Variants in VAV3 observed in about 807,000 individuals in gnomAD.
VAV3 encodes the protein guanine nucleotide exchange factor VAV3.
A neutral mutation model predicts 131.2 loss-of-function variants in VAV3; 94 were observed. The ratio of observed to expected loss-of-function variants is 0.72; its 90% CI spans 0.61 to 0.85. The LOEUF is 0.85. VAV3 is among the 40% of genes least tolerant of loss of function. VAV3 has a pLI of 0.00. For missense variants in VAV3, 939 were observed against 1,002.7 expected (o/e 0.94, Z 0.86); for synonymous variants, 349 against 342.0 (o/e 1.02, Z -0.22).
intron 22 of VAV3, among the ~76,000 whole-genome samples, chr1:107,608,826 C>G (rs1353907278): frequency 6.6e-6 from 1 of 152,166 alleles, no homozygotes; most frequent in East Asian, 1.9e-4. Flanking sequence ...GCAAACCCAA[C>G]TAGTACTATA....
At chr1:107,893,152 C>T (rs1671390127) in intron 1 of VAV3, among the ~76,000 whole-genome samples, 1 of 152,172 alleles carries the variant, frequency 6.6e-6, no homozygotes. Flanking sequence ...GTTATTCTGT[C>T]ACGAACATTT....
Position 107,642,812 on chromosome 1 carries a change from CA to C in VAV3, c.1778-58del, listed in dbSNP as rs1655449633. 7 of 1,597,940 alleles carry C rather than the reference CA, an allele frequency of 4.4e-6. No homozygotes were observed. In the South Asian group the frequency reaches 8.0e-5, roughly 18 times the overall value. On this transcript the variant is annotated intron_variant, in intron 19 of 26. Coordinates refer to ENST00000370056, the MANE Select transcript of VAV3 (RefSeq NM_006113.5). ...AGAAAACAATGATGCATGAAGTCTA[CA>C]TGAACTTTACAAAAAATGTCATTAT...
rs1570992594 is a variant in VAV3 at position 107,816,528 on chromosome 1, C to T, written c.322-37036G>A. Among the ~76,000 whole-genome samples the T allele has an allele frequency of 2.6e-5, 4 of 152,284 alleles. No individual in the cohort carries two copies. The East Asian group carries it at 7.7e-4, about 29-fold the overall frequency. On this transcript the variant is annotated intron_variant, in intron 2 of 26. Transcript: ENST00000370056. ...CATTTCTGACCTTGATTCTGCAAAA[C>T]TCCCAGCACTGTAAAATCAGTCACT...
At chr1:107,581,348 T>C (rs1472859380) in intron 25 of VAV3, among the ~76,000 whole-genome samples, 1 of 152,216 alleles carries the variant, frequency 6.6e-6, no homozygotes, top group Admixed American at 6.5e-5. Context: ...TCAACTGAGC[T>C]AACATACATG....
At chr1:107,574,266 A>G (rs1649461025) in intron 25 of VAV3, 68 bp from the exon 26 acceptor site, 2 of 1,551,396 alleles carry the variant, frequency 1.3e-6, no homozygotes, top group African/African-American at 2.7e-5. Flanking sequence ...ACCTAATCAG[A>G]TGAATGTTAT....
intron 19 of VAV3, among the ~76,000 whole-genome samples, chr1:107,646,292 T>G (rs1007989377): frequency 2.0e-5 from 3 of 152,174 alleles, no homozygotes; most frequent in Non-Finnish European, 4.4e-5. Flanking sequence ...CTCAGAAAGT[T>G]GCTTCTCTCT....
chr1:107,964,641 G>C, intron 1 of VAV3, 25 bp downstream of exon 1: 3 of 1,604,208 alleles, frequency 1.9e-6, no homozygotes, highest in Non-Finnish European at 2.6e-6. Flanking sequence ...GGCTGGAGGC[G>C]GGGCGCCCGT....
chr1:107,619,069 G>C (rs142212368), intron 20 of VAV3, among the ~76,000 whole-genome samples: 1 of 152,148 alleles, frequency 6.6e-6, no homozygotes, highest in African/African-American at 2.4e-5. Context: ...AACTAAGTCT[G>C]CTGAACTGGC....
intron 20 of VAV3, among the ~76,000 whole-genome samples, chr1:107,639,456 G>T (rs1655173370): frequency 6.6e-6 from 1 of 151,950 alleles, no homozygotes; most frequent in Admixed American, 6.6e-5. Flanking sequence ...AAAATATCTA[G>T]GGAGCTCTCA....
intron 15 of VAV3, among the ~76,000 whole-genome samples, chr1:107,734,293 C>T (rs914982840): frequency 3.3e-5 from 5 of 152,206 alleles, no homozygotes; most frequent in Admixed American, 3.3e-4. Flanking sequence ...TAGGAAGACA[C>T]TCCACCAACT....
At chr1:107,954,769 G>GT (rs758398906) in intron 1 of VAV3, among the ~76,000 whole-genome samples, 1 of 149,964 alleles carries the variant, frequency 6.7e-6, no homozygotes, top group Admixed American at 6.6e-5. Flanking sequence ...TACCATGGGA[G>GT]GGGGGGAAAT....
intron 25 of VAV3, among the ~76,000 whole-genome samples, chr1:107,582,949 A>C (rs1650181205): frequency 1.3e-5 from 2 of 151,834 alleles, no homozygotes; most frequent in East Asian, 1.9e-4. Context: ...GGCTGGGTCA[A>C]ATGGTATTTC....
intron 19 of VAV3, chr1:107,669,024 A>G: frequency 2.9e-6 from 3 of 1,048,450 alleles, no homozygotes; most frequent in Non-Finnish European, 3.5e-6. Flanking sequence ...ACAGAGAAAA[A>G]TCCCCAAGGG....
intron 1 of VAV3, among the ~76,000 whole-genome samples, chr1:107,947,942 A>G (rs1304400792): frequency 6.6e-6 from 1 of 152,142 alleles, no homozygotes; most frequent in Non-Finnish European, 1.5e-5. Flanking sequence ...AGGAGTAATA[A>G]CTTATGGTGA....
chr1:107,644,144 T>G (rs1038555995), intron 19 of VAV3, among the ~76,000 whole-genome samples: 2 of 152,190 alleles, frequency 1.3e-5, no homozygotes, highest in African/African-American at 4.8e-5. Flanking sequence ...CTCAGTTAAA[T>G]GTTTAACAGA....
intron 5 of VAV3, among the ~76,000 whole-genome samples, chr1:107,772,488 A>G (rs1188957276): frequency 3.3e-5 from 5 of 152,100 alleles, no homozygotes; most frequent in African/African-American, 1.2e-4. Context: ...GTGGCACTTC[A>G]TTTCTCTCTC....
chr1:107,799,308 T>C (rs1231735569), intron 2 of VAV3, among the ~76,000 whole-genome samples: 1 of 146,662 alleles, frequency 6.8e-6, no homozygotes, highest in African/African-American at 2.5e-5. Context: ...AGTGTTCACC[T>C]ATCAAAAAAA....
At chr1:107,871,231 C>T (rs1670239144) in intron 2 of VAV3, among the ~76,000 whole-genome samples, 1 of 152,068 alleles carries the variant, frequency 6.6e-6, no homozygotes, top group Admixed American at 6.6e-5. Context: ...CAAGATTTTA[C>T]TTATTTTTAT....
Position 107,779,424 on chromosome 1 carries a change from C to T in VAV3, c.380+10G>A, listed in dbSNP as rs2102225134. On this transcript the variant is annotated intron_variant, in intron 3 of 26. Coordinates refer to ENST00000370056, the MANE Select transcript of VAV3 (RefSeq NM_006113.5). ...CAATGGGACACATGAACAACGAAAA[C>T]AGAGCTTACCTGATTCCTGTGGCCA... 4.5e-6 allele frequency: 7 copies of T among 1,572,486 alleles called. No individual in the cohort carries two copies. The highest frequency in any genetic ancestry group is 6.0e-6 in the Non-Finnish European group (7 of 1,160,664).
Sources: gnomAD v4.1 joint callset for allele counts (sites outside exome capture counted in the v4.1 genomes callset) on GRCh38, gnomAD v4.1.1 for gene constraint, MANE v1.5 for transcripts, NCBI Gene and HGNC (gene_info 2026-07-23, HGNC 2026-07-21) for gene names.